The following SLC30A8 variants were observed in gnomAD, a reference collection of about 807,000 sequenced individuals.
SLC30A8 encodes the protein proton-coupled zinc antiporter SLC30A8.
SLC30A8 carries 27 observed loss-of-function variants against 36.9 expected under a neutral mutation model. That is an observed-to-expected ratio of 0.73 (90% CI 0.54 to 1.01). The LOEUF (loss-of-function observed/expected upper bound fraction) is 1.01, where lower values mean the gene tolerates loss of function less well. Ranked by LOEUF, SLC30A8 falls within the 50% of genes least tolerant of loss-of-function variation. The pLI is 0.00. For missense variants in SLC30A8, 439 were observed against 452.0 expected (o/e 0.97, Z 0.26); for synonymous variants, 164 against 172.4 (o/e 0.95, Z 0.38).
At position 117,161,882 on chromosome 8, in the gene SLC30A8, C is replaced by G; in HGVS notation, c.717C>G (p.Tyr239Ter). The change falls in exon 5 of 8, where the codon TAC becomes TAG. Residue 239 changes from tyrosine (Y) to a stop codon, truncating the protein, a stop_gained. Coordinates refer to ENST00000456015, the MANE Select transcript of SLC30A8 (RefSeq NM_173851.3). LOFTEE classifies it high-confidence loss of function. ...TGCTAATTAGTGCACTTATTATCTA[C>G]TTTAAGGTGAGTTTGAGTTTACCCA... ...ISVLISALII[Y>*]FKPEYKIADP... 3 of 1,611,388 alleles carry G rather than the reference C, an allele frequency of 1.9e-6. No homozygotes were observed. Among genetic ancestry groups the G allele is most frequent in the Non-Finnish European group, 2.5e-6 (3 of 1,178,200 alleles).
chr8:117,020,320 T>G (rs905038444), intron 1 of SLC30A8, among the ~76,000 whole-genome samples: 2 of 152,162 alleles, frequency 1.3e-5, no homozygotes, highest in Non-Finnish European at 2.9e-5. Context: ...AAATATAAAC[T>G]AAATTAACTA....
At chr8:116,985,335 AG>A (rs1815409160) in intron 1 of SLC30A8, among the ~76,000 whole-genome samples, 1 of 129,348 alleles carries the variant, frequency 7.7e-6, no homozygotes, top group Non-Finnish European at 1.7e-5. Flanking sequence ...CACACACACA[AG>A]TATGTATATC....
At position 116,963,105 on chromosome 8, in the gene SLC30A8, G is replaced by C. The variant is rs368914758; in HGVS notation, c.-266+11986G>C. On this transcript the variant is annotated intron_variant, in intron 1 of 10. Coordinates refer to the SLC30A8 transcript ENST00000427715. ...CTTTAAGAATGTAGGAAATCTTCAG[G>C]CTTGAAGGAAAAATCTCACATCATG... Among the ~76,000 whole-genome samples the C allele has an allele frequency of 7.2e-5, 11 of 152,012 alleles. No individual in the cohort carries two copies. In the East Asian group the frequency reaches 1.4e-3, roughly 19 times the overall value.
intron 2 of SLC30A8, chr8:117,128,652 T>A (rs1282824583): frequency 6.6e-6 from 1 of 152,022 alleles, no homozygotes; most frequent in African/African-American, 2.4e-5. Flanking sequence ...ATTAAAAAAA[T>A]GTTAAAAGTT....
At chr8:117,047,078 G>A (rs965407579) in intron 2 of SLC30A8, among the ~76,000 whole-genome samples, 5 of 152,170 alleles carry the variant, frequency 3.3e-5, no homozygotes, top group African/African-American at 7.2e-5. Flanking sequence ...GGATGAGTGG[G>A]AGACGGGATC....
intron 2 of SLC30A8, among the ~76,000 whole-genome samples, chr8:117,048,129 C>T (rs1300028469): frequency 6.6e-6 from 1 of 152,212 alleles, no homozygotes; most frequent in African/African-American, 2.4e-5. Context: ...CTTTACTCTA[C>T]AGACTTGCCC....
chr8:116,998,184 A>C (rs1267945297), intron 1 of SLC30A8, among the ~76,000 whole-genome samples: 1 of 152,240 alleles, frequency 6.6e-6, no homozygotes, highest in Non-Finnish European at 1.5e-5. Context: ...AAATATGAAA[A>C]AAGAAAGCTT....
upstream of SLC30A8, among the ~76,000 whole-genome samples, chr8:117,133,820 T>G (rs1821237878): frequency 6.6e-6 from 1 of 151,980 alleles, no homozygotes; most frequent in Non-Finnish European, 1.5e-5. Context: ...TGGTTTTTAT[T>G]CTGCTAACAG....
intron 1 of SLC30A8, among the ~76,000 whole-genome samples, chr8:117,024,553 C>T (rs1816813407): frequency 6.6e-6 from 1 of 152,200 alleles, no homozygotes; most frequent in South Asian, 2.1e-4. Flanking sequence ...TATTACCCCT[C>T]TGCTAGACTG....
chr8:117,112,667 A>G (rs1820279730), intron 2 of SLC30A8, among the ~76,000 whole-genome samples: 1 of 152,180 alleles, frequency 6.6e-6, no homozygotes, highest in Non-Finnish European at 1.5e-5. Context: ...AAGCATAAAA[A>G]GTACTTGGAA....
In SLC30A8 at chr8:116,999,445, C is replaced by T. The variant is rs183239845; in HGVS notation, c.-265-39774C>T. On this transcript the variant is annotated intron_variant, in intron 1 of 10. Coordinates refer to the SLC30A8 transcript ENST00000427715. The stretch of plus-strand genomic sequence containing the variant: ...GACAGCAAGAGAGGGAGAGACAAGG[C>T]GAGGGACAGTGCAAGAGTATGTGGG... Among the ~76,000 whole-genome samples the T allele has an allele frequency of 2.0e-4, 31 of 152,096 alleles. 1 individual carries two copies. In the East Asian group the frequency reaches 5.6e-3, roughly 28 times the overall value.
At chr8:117,045,760 T>C (rs1173247450) in intron 2 of SLC30A8, among the ~76,000 whole-genome samples, 1 of 152,124 alleles carries the variant, frequency 6.6e-6, no homozygotes, top group Admixed American at 6.5e-5. Flanking sequence ...CTAGTAAACA[T>C]CCATGTGACA....
chr8:117,076,909 G>A (rs567021596), intron 2 of SLC30A8, among the ~76,000 whole-genome samples: 1 of 152,236 alleles, frequency 6.6e-6, no homozygotes, highest in East Asian at 1.9e-4. Flanking sequence ...TTTGCAAAAT[G>A]TCTTCCGAAG....
chr8:117,052,399 A>G (rs1817738460), intron 2 of SLC30A8, among the ~76,000 whole-genome samples: 1 of 152,246 alleles, frequency 6.6e-6, no homozygotes, highest in Non-Finnish European at 1.5e-5. Context: ...GCATCTAGGC[A>G]TTTATTAGAT....
At chr8:117,113,755 G>C (rs1322705228) in intron 2 of SLC30A8, among the ~76,000 whole-genome samples, 1 of 152,112 alleles carries the variant, frequency 6.6e-6, no homozygotes, top group Non-Finnish European at 1.5e-5. Context: ...AAAACTTAAT[G>C]AGGGCTTGTC....
intron 3 of SLC30A8, among the ~76,000 whole-genome samples, chr8:117,156,255 C>G (rs1822480995): frequency 6.6e-6 from 1 of 152,096 alleles, no homozygotes; most frequent in Non-Finnish European, 1.5e-5. Flanking sequence ...GTTGGCCAGA[C>G]TGGTCTTGAA....
At chr8:117,145,728 A>G (rs945046710) in intron 1 of SLC30A8, among the ~76,000 whole-genome samples, 7 of 152,194 alleles carry the variant, frequency 4.6e-5, no homozygotes, top group East Asian at 1.9e-4. Flanking sequence ...TAGGCATGAC[A>G]GAAGAAACAC....
chr8:117,156,197 G>A (rs1308380449), intron 3 of SLC30A8, among the ~76,000 whole-genome samples: 2 of 152,008 alleles, frequency 1.3e-5, no homozygotes, highest in Non-Finnish European at 2.9e-5. Flanking sequence ...ACATCACCAT[G>A]TCTGGCTAAT....
At chr8:117,093,556 C>G (rs907500348) in intron 2 of SLC30A8, among the ~76,000 whole-genome samples, 1 of 151,976 alleles carries the variant, frequency 6.6e-6, no homozygotes, top group Non-Finnish European at 1.5e-5. Context: ...CTGGTCATTG[C>G]TAGTGAGGGC....
Sources: allele counts gnomAD v4.1 joint callset (sites outside exome capture counted in the v4.1 genomes callset), GRCh38; gene constraint gnomAD v4.1.1; transcripts MANE v1.5; gene names NCBI Gene and HGNC (gene_info 2026-07-23, HGNC 2026-07-21).